Variants in COL4A4 observed in about 807,000 individuals in gnomAD.
COL4A4 encodes collagen alpha-4(IV) chain.
COL4A4 carries 105 observed loss-of-function variants against 192.9 expected under a neutral mutation model. That is an observed-to-expected ratio of 0.54 (90% confidence interval 0.46 to 0.64). COL4A4 has a LOEUF of 0.64. Ranked by LOEUF, COL4A4 falls within the 30% of genes least tolerant of loss-of-function variation. The pLI, the probability that COL4A4 is intolerant of heterozygous loss-of-function variation, is 0.00. For missense variants in COL4A4, 1,967 were observed against 2,169.3 expected (o/e 0.91, Z 1.85); for synonymous variants, 762 against 769.9 (o/e 0.99, Z 0.17).
At position 227,055,936 on chromosome 2, in the gene COL4A4, A is replaced by C. The variant is rs1329409044; in HGVS notation, c.2716+9T>G. 1.9e-6 allele frequency: 3 copies of C among 1,611,042 alleles called. No homozygotes were observed. The highest frequency in any genetic ancestry group is 2.2e-5 in the South Asian group (2 of 90,640). ...GATGGGAGGACATCATGGAAAAAGC[A>C]CTACCTACCCTTTGGACCTGGAGGA... On this transcript the variant is annotated intron_variant, in intron 30 of 47. Coordinates refer to ENST00000396625, the MANE Select transcript of COL4A4 (RefSeq NM_000092.5).
At chr2:227,104,600 T>TA (rs1553685244) in intron 12 of COL4A4, among the ~76,000 whole-genome samples, 2 of 121,446 alleles carry the variant, frequency 1.6e-5, no homozygotes, top group South Asian at 2.7e-4. Context: ...AATAAATAAA[T>TA]AAAAAATCCT....
At chr2:227,082,074 T>C in intron 23 of COL4A4, 41 bp downstream of exon 23, 2 of 1,527,142 alleles carry the variant, frequency 1.3e-6, no homozygotes, top group Non-Finnish European at 1.8e-6. Context: ...CCATACATCA[T>C]TCATAAAATG....
chr2:227,049,001 A>G (rs3769645), intron 34 of COL4A4, among the ~76,000 whole-genome samples: 75,126 of 151,966 alleles, frequency 0.49, 18,599 homozygotes, highest in South Asian at 0.63. Context: ...ATTGTAGGTC[A>G]TTCATTAATT....
chr2:227,101,598 C>G lies in COL4A4; in HGVS notation c.976-41G>C, dbSNP rs373817223. 4.8e-5 allele frequency: 72 copies of G among 1,505,296 alleles called. 1 individual carries two copies. In the African/African-American group the frequency reaches 7.7e-4, roughly 16 times the overall value. The allele number at this position is 1,505,296 out of a possible 1,614,324, so 93.2% of individuals were successfully genotyped here. Reference sequence around the variant, plus strand: ...AACATGCCTTAAAAAAAAAAAGTGACTGGGTGACAAATTATCTCATTCTCA... The same window carrying G: ...AACATGCCTTAAAAAAAAAAAGTGAGTGGGTGACAAATTATCTCATTCTCA... On this transcript the variant is annotated intron_variant, in intron 16 of 47. Coordinates refer to ENST00000396625, the MANE Select transcript of COL4A4 (RefSeq NM_000092.5).
intron 43 of COL4A4, among the ~76,000 whole-genome samples, chr2:227,023,775 A>T (rs1966474838): frequency 6.6e-6 from 1 of 152,192 alleles, no homozygotes; most frequent in African/African-American, 2.4e-5. Flanking sequence ...GCACTTTGGG[A>T]GGCCAAGATG....
chr2:227,111,577 G>T, intron 9 of COL4A4, 101 bp downstream of exon 9: 1 of 1,276,160 alleles, frequency 7.8e-7, no homozygotes, highest in Non-Finnish European at 1.1e-6. Context: ...TGCACTAGGT[G>T]AGCCGCACAA....
At chr2:227,098,904 T>A in intron 18 of COL4A4, 106 bp from the exon 19 acceptor site, 3 of 915,668 alleles carry the variant, frequency 3.3e-6, no homozygotes, top group Non-Finnish European at 3.4e-6. Context: ...TTAGGAGACA[T>A]TTTTGCAGTT....
intron 44 of COL4A4, among the ~76,000 whole-genome samples, chr2:227,017,440 A>T (rs1965134491): frequency 6.6e-6 from 1 of 152,232 alleles, no homozygotes; most frequent in Non-Finnish European, 1.5e-5. Flanking sequence ...CCAGTGTTAG[A>T]TGGATGACCT....
At chr2:227,128,798 T>A (rs2062241281) in intron 4 of COL4A4, among the ~76,000 whole-genome samples, 2 of 152,120 alleles carry the variant, frequency 1.3e-5, no homozygotes, top group African/African-American at 2.4e-5. Context: ...TTAACCCTGA[T>A]CTTCTCCCCA....
intron 18 of COL4A4, 66 bp from the exon 19 acceptor site, chr2:227,098,864 T>A (rs946953726): frequency 7.6e-7 from 1 of 1,320,772 alleles, no homozygotes; most frequent in Non-Finnish European, 1.1e-6. Context: ...AAGACAACAA[T>A]TACTTTTTGT....
intron 4 of COL4A4, among the ~76,000 whole-genome samples, chr2:227,130,507 G>A (rs985869696): frequency 6.6e-6 from 1 of 152,164 alleles, no homozygotes; most frequent in African/African-American, 2.4e-5. Context: ...CCTGCCCCTT[G>A]GCCTTGCCTT....
chr2:227,153,817 CAA>C (rs1233063182), intron 1 of COL4A4, among the ~76,000 whole-genome samples: 1 of 151,970 alleles, frequency 6.6e-6, no homozygotes, highest in Non-Finnish European at 1.5e-5. Context: ...GAGGAAAATG[CAA>C]AAAGAGAAGG....
chr2:227,088,938 G>T lies in COL4A4; in HGVS notation c.1460-122C>A. 4 of 1,166,506 alleles carry T rather than the reference G, an allele frequency of 3.4e-6. No individual in the cohort carries two copies. In the South Asian group the frequency reaches 3.9e-5, roughly 11 times the overall value. The allele number at this position is 1,166,506 out of a possible 1,614,324, so 72.3% of individuals were successfully genotyped here. A position where few individuals can be genotyped will look rare whatever the true frequency, so the allele number is the denominator to read the frequency against. On this transcript the variant is annotated intron_variant, in intron 21 of 47. Coordinates refer to ENST00000396625, the MANE Select transcript of COL4A4 (RefSeq NM_000092.5). ...AAGAGTCCGATATGCACTTCTTGCA[G>T]ACAATTGAGAGCACGTGCTGTGGGG...
At position 227,004,085 on chromosome 2, in the gene COL4A4, T is replaced by G. The variant is rs1428274253; in HGVS notation, c.*3240A>C. 6.6e-6 allele frequency: 1 copy of G among 152,226 alleles called. No homozygotes were observed. Among genetic ancestry groups the G allele is most frequent in the East Asian group, 1.9e-4 (1 of 5,202 alleles). 9.4% of individuals were successfully genotyped at this position (152,226 alleles called of 1,614,324 possible). A position where few individuals can be genotyped will look rare whatever the true frequency, so the allele number is the denominator to read the frequency against. ...AAAAAATGAATTGGCAGTAATGTGT[T>G]CAACTCTGTGCTAGGCATTAGGCAT... On this transcript the variant is annotated 3_prime_UTR_variant, in exon 48 of 48. Coordinates refer to ENST00000396625, the MANE Select transcript of COL4A4 (RefSeq NM_000092.5).
At position 227,005,520 on chromosome 2, in the gene COL4A4, A is replaced by G. The variant is rs1333668523; in HGVS notation, c.*1805T>C. 2.6e-5 allele frequency: 4 copies of G among 152,256 alleles called. No homozygotes were observed. Among genetic ancestry groups the G allele is most frequent in the African/African-American group, 9.6e-5 (4 of 41,480 alleles). 9.4% of individuals were successfully genotyped at this position (152,256 alleles called of 1,614,324 possible). On this transcript the variant is annotated 3_prime_UTR_variant, in exon 48 of 48. Coordinates refer to ENST00000396625, the MANE Select transcript of COL4A4 (RefSeq NM_000092.5). ...GTTTAAAAAATATCAAATGGGTCAA[A>G]TGAACTAGGAAATATTCTGCTACAT...
chr2:227,008,390 A>AG, intron 46 of COL4A4, 86 bp from the exon 47 acceptor site: 1 of 1,463,542 alleles, frequency 6.8e-7, no homozygotes, highest in Non-Finnish European at 9.5e-7. Context: ...TGGCCTTTGC[A>AG]GATACGTGTT....
At chr2:227,128,255 A>G (rs1194935754) in intron 4 of COL4A4, among the ~76,000 whole-genome samples, 4 of 152,202 alleles carry the variant, frequency 2.6e-5, no homozygotes, top group African/African-American at 9.6e-5. Context: ...AATCACGCTC[A>G]TGCCATGCCC....
intron 22 of COL4A4, among the ~76,000 whole-genome samples, chr2:227,088,148 C>A (rs1242905154): frequency 6.6e-6 from 1 of 152,194 alleles, no homozygotes; most frequent in Non-Finnish European, 1.5e-5. Context: ...ACTGTTTTTG[C>A]AGGCATTAGC....
chr2:227,089,611 A>ATATATATATATG (rs1491267361), intron 21 of COL4A4, among the ~76,000 whole-genome samples: 6 of 119,650 alleles, frequency 5.0e-5, no homozygotes, highest in African/African-American at 2.6e-4. Context: ...ATATATATAC[A>ATATATATATATG]TACATATATA....
Sources: gnomAD v4.1 joint callset for allele counts (sites outside exome capture counted in the v4.1 genomes callset) on GRCh38, gnomAD v4.1.1 for gene constraint, MANE v1.5 for transcripts, NCBI Gene and HGNC (gene_info 2026-07-23, HGNC 2026-07-21) for gene names.